Variants in PTPDC1 observed in about 807,000 individuals in gnomAD.
The protein encoded by PTPDC1 is protein tyrosine phosphatase domain-containing protein 1.
PTPDC1 carries 53 observed loss-of-function variants against 75.3 expected under a neutral mutation model. The observed-to-expected ratio is 0.70, with a 90% confidence interval of 0.56 to 0.88. PTPDC1 has a LOEUF of 0.88. Ranked by LOEUF, PTPDC1 falls within the 40% of genes least tolerant of loss-of-function variation. The probability of loss-of-function intolerance (pLI) is 0.00; values close to 1 mark genes in which losing one functional copy is unlikely to be tolerated. For missense variants in PTPDC1, 925 were observed against 998.6 expected, an observed-to-expected ratio of 0.93 and a Z score of 0.99; for synonymous variants, 349 against 366.2, an observed-to-expected ratio of 0.95 and a Z score of 0.54.
intron 1 of PTPDC1, among the ~76,000 whole-genome samples, chr9:94,035,542 T>C (rs1392161430): frequency 6.6e-6 from 1 of 152,226 alleles, no homozygotes; most frequent in Admixed American, 6.5e-5. Flanking sequence ...TAGTAGTCCA[T>C]TGTGTATATA....
chr9:94,046,549 G>A (rs867944207), intron 1 of PTPDC1, among the ~76,000 whole-genome samples: 1 of 152,056 alleles, frequency 6.6e-6, no homozygotes, highest in Non-Finnish European at 1.5e-5. Context: ...TCTTCTTGAC[G>A]AGGTCCTTCA....
At chr9:94,044,610 G>A (rs1017645239) in intron 1 of PTPDC1, among the ~76,000 whole-genome samples, 1 of 152,144 alleles carries the variant, frequency 6.6e-6, no homozygotes, top group Non-Finnish European at 1.5e-5. Flanking sequence ...TCACCTGTGC[G>A]GGAGTTATTC....
At chr9:94,058,399 G>A (rs959801852) in intron 1 of PTPDC1, among the ~76,000 whole-genome samples, 34 of 152,050 alleles carry the variant, frequency 2.2e-4, no homozygotes, top group Middle Eastern at 3.2e-3. Context: ...ACTTTAGTCA[G>A]TAAGAAAAAA....
intron 5 of PTPDC1, 48 bp from the exon 6 acceptor site, chr9:94,097,272 TA>T: frequency 8.2e-7 from 1 of 1,212,226 alleles, no homozygotes; most frequent in South Asian, 1.5e-5. Flanking sequence ...ATAAAATAAA[TA>T]AAAATGTAAG....
Position 94,098,217 on chromosome 9 carries a change from TCACA to T in PTPDC1, c.1654_1657del (p.His552AlafsTer86). Reference sequence around the variant, plus strand: ...AGCTTTCTCTGCAGATGTTTCAGGCTCACACAGCCCTGGGGAGCCAGTTTCACCC... The same window carrying T: ...AGCTTTCTCTGCAGATGTTTCAGGCTCAGCCCTGGGGAGCCAGTTTCACCC... On this transcript the variant is annotated frameshift_variant, in exon 6 of 9. Transcript: ENST00000620992. LOFTEE classifies it high-confidence loss of function. 6.2e-7 allele frequency: 1 copy of T among 1,614,210 alleles called. No individual in the cohort carries two copies. Among genetic ancestry groups the T allele is most frequent in the Non-Finnish European group, 8.5e-7 (1 of 1,180,040 alleles).
rs1212487468 is a variant in PTPDC1 at position 94,039,475 on chromosome 9, A to G, written c.-7+8348A>G. Among the ~76,000 whole-genome samples the G allele has an allele frequency of 1.2e-4, 18 of 152,172 alleles. No individual in the cohort carries two copies. In the East Asian group the frequency reaches 3.3e-3, roughly 28 times the overall value. On this transcript the variant is annotated intron_variant, in intron 1 of 9. Transcript: ENST00000375360. ...GCATTTTTAGTCCCATAAAAGTAAA[A>G]CATTGACTATGAAAATGTAGAAAAT...
chr9:94,032,437 A>G (rs1336329915), intron 1 of PTPDC1, among the ~76,000 whole-genome samples: 1 of 152,158 alleles, frequency 6.6e-6, no homozygotes, highest in Non-Finnish European at 1.5e-5. Context: ...AAGGGGCTCA[A>G]ATTTCTCCTC....
chr9:94,043,300 A>G (rs1344656084), intron 1 of PTPDC1, among the ~76,000 whole-genome samples: 3 of 152,150 alleles, frequency 2.0e-5, no homozygotes, highest in Non-Finnish European at 2.9e-5. Flanking sequence ...TTATGGTTTT[A>G]GTTTGCACAT....
At chr9:94,105,156 C>G (rs1342871843) in intron 8 of PTPDC1, among the ~76,000 whole-genome samples, 3 of 152,108 alleles carry the variant, frequency 2.0e-5, no homozygotes, top group Admixed American at 2.0e-4. Flanking sequence ...AGTCTCCTTC[C>G]CCTCCACTCT....
intron 1 of PTPDC1, among the ~76,000 whole-genome samples, chr9:94,037,288 A>G (rs1825299938): frequency 6.6e-6 from 1 of 152,200 alleles, no homozygotes; most frequent in Non-Finnish European, 1.5e-5. Flanking sequence ...TTCTGTTCCC[A>G]ATACTGTTTC....
At chr9:94,046,753 A>G (rs926370829) in intron 1 of PTPDC1, among the ~76,000 whole-genome samples, 2 of 152,118 alleles carry the variant, frequency 1.3e-5, no homozygotes, top group African/African-American at 4.8e-5. Flanking sequence ...GGGCTGAGAC[A>G]ATGGGGTTTT....
chr9:94,048,129 A>G (rs1446286322), intron 1 of PTPDC1, among the ~76,000 whole-genome samples: 9 of 152,018 alleles, frequency 5.9e-5, no homozygotes, highest in Admixed American at 3.3e-4. Flanking sequence ...CGGTCTATCA[A>G]TTTTGTTGAT....
upstream of PTPDC1, among the ~76,000 whole-genome samples, chr9:94,080,988 C>CTTTTTTTT (rs1254750314): frequency 5.3e-4 from 68 of 127,534 alleles, 1 homozygote; most frequent in Middle Eastern, 4.1e-3. Flanking sequence ...TTTTCTTTTT[C>CTTTTTTTT]TTTTTCTTTT....
intron 2 of PTPDC1, among the ~76,000 whole-genome samples, chr9:94,073,132 A>G (rs1826571618): frequency 6.6e-6 from 1 of 152,142 alleles, no homozygotes; most frequent in Non-Finnish European, 1.5e-5. Context: ...TTCTCCAGTG[A>G]CGTCATTTAA....
rs138719448 is a variant in PTPDC1, at chr9:94,035,415, A to C, written c.-7+4288A>C. On this transcript the variant is annotated intron_variant, in intron 1 of 9. Coordinates refer to the PTPDC1 transcript ENST00000375360. The stretch of plus-strand genomic sequence containing the variant: ...TTTAGATTCCTCATATAAGTGGAAC[A>C]TGTGGTATTTGTACTTCTGTGCCTG... 3.7e-4 allele frequency among the ~76,000 whole-genome samples: 57 copies of C among 152,306 alleles called. No homozygotes were observed. The East Asian group carries it at 5.0e-3, about 13-fold the overall frequency.
intron 2 of PTPDC1, among the ~76,000 whole-genome samples, chr9:94,076,942 G>A (rs10993043): frequency 0.019 from 2,828 of 152,162 alleles, 108 homozygotes; most frequent in African/African-American, 0.064. Context: ...GTGATGTTGA[G>A]CATCTTTTCA....
intron 1 of PTPDC1, among the ~76,000 whole-genome samples, chr9:94,058,491 G>A (rs1826018254): frequency 1.3e-5 from 2 of 151,694 alleles, no homozygotes; most frequent in African/African-American, 4.8e-5. Flanking sequence ...TTGAAGTCAG[G>A]AGTTCCAGAC....
At chr9:94,051,998 A>G (rs1012814637) in intron 1 of PTPDC1, among the ~76,000 whole-genome samples, 1 of 152,078 alleles carries the variant, frequency 6.6e-6, no homozygotes, top group Non-Finnish European at 1.5e-5. Context: ...TACTGCTATA[A>G]GTTTCTCTCT....
intron 2 of PTPDC1, among the ~76,000 whole-genome samples, chr9:94,076,009 G>T (rs1347620639): frequency 6.7e-6 from 1 of 148,694 alleles, no homozygotes; most frequent in African/African-American, 2.4e-5. Flanking sequence ...TTGTTTGTTT[G>T]TTTTTTTGAG....
Sources: allele counts gnomAD v4.1 joint callset (sites outside exome capture counted in the v4.1 genomes callset), GRCh38; gene constraint gnomAD v4.1.1; transcripts MANE v1.5; gene names NCBI Gene and HGNC (gene_info 2026-07-23, HGNC 2026-07-21).